TFCP2: variants seen among roughly 807,000 people sequenced by gnomAD.
TFCP2 encodes alpha-globin transcription factor CP2.
Under a neutral mutation model 73.4 loss-of-function variants are expected in TFCP2, and 33 were observed. The ratio of observed to expected loss-of-function variants is 0.45; its 90% CI spans 0.34 to 0.60. TFCP2 has a LOEUF of 0.60. Ranked by LOEUF, TFCP2 falls within the 20% of genes least tolerant of loss-of-function variation. The pLI, the probability that TFCP2 is intolerant of heterozygous loss-of-function variation, is 0.01. For synonymous variants in TFCP2, 193 were observed against 211.6 expected (o/e 0.91, Z 0.76); for missense variants, 352 against 604.0 (o/e 0.58, Z 4.37).
chr12:51,149,233 G>A (rs1941368845), intron 1 of TFCP2, among the ~76,000 whole-genome samples: 1 of 152,002 alleles, frequency 6.6e-6, no homozygotes, highest in Non-Finnish European at 1.5e-5. Flanking sequence ...AGGTACAAAT[G>A]TTTAAGTATA....
chr12:51,104,421 TTTC>T (rs1340182208), intron 8 of TFCP2, among the ~76,000 whole-genome samples: 2 of 152,200 alleles, frequency 1.3e-5, no homozygotes, highest in Non-Finnish European at 2.9e-5. Context: ...TTAGCAATAT[TTTC>T]TTATTATTGA....
At chr12:51,120,338 TCA>T (rs1342817233) in intron 1 of TFCP2, among the ~76,000 whole-genome samples, 13 of 152,122 alleles carry the variant, frequency 8.5e-5, no homozygotes, top group African/African-American at 3.1e-4. Flanking sequence ...CGGATGAATC[TCA>T]CAGATATAAT....
chr12:51,169,123 C>T (rs1204935251), intron 1 of TFCP2, among the ~76,000 whole-genome samples: 1 of 152,054 alleles, frequency 6.6e-6, no homozygotes, highest in Non-Finnish European at 1.5e-5. Flanking sequence ...TTTTAATAAG[C>T]TGTCCAGGTG....
At chr12:51,162,107 T>C (rs571728137) in intron 1 of TFCP2, among the ~76,000 whole-genome samples, 71 of 151,436 alleles carry the variant, frequency 4.7e-4, no homozygotes, top group African/African-American at 1.7e-3. Context: ...AAGATAGAAT[T>C]GAAATTACTT....
Position 51,093,842 on chromosome 12 carries a change from AC to A in TFCP2, c.*1398del, listed in dbSNP as rs1939887767. 4 of 103,204 alleles carry A rather than the reference AC, an allele frequency of 3.9e-5. No individual in the cohort carries two copies. The highest frequency in any genetic ancestry group is 5.9e-5 in the Non-Finnish European group (3 of 51,060). The allele number at this position is 103,204 out of a possible 1,614,324, so 6.4% of individuals were successfully genotyped here. On this transcript the variant is annotated 3_prime_UTR_variant, in exon 15 of 15. Coordinates refer to ENST00000257915, the MANE Select transcript of TFCP2 (RefSeq NM_005653.5). ...CTTATCAAATGCTTTAAACACACACACACACACACACACACACAAATCCAAA... is the reference window on the plus strand; with the variant it reads ...CTTATCAAATGCTTTAAACACACACAACACACACACACACACAAATCCAAA...
At chr12:51,114,801 C>A (rs7955490) in intron 4 of TFCP2, among the ~76,000 whole-genome samples, 1 of 151,772 alleles carries the variant, frequency 6.6e-6, no homozygotes, top group Admixed American at 6.6e-5. Flanking sequence ...TGGTGGCTCA[C>A]GCTTGTAATC....
In TFCP2 at chr12:51,103,709, G is replaced by A. The variant is rs766513355; in HGVS notation, c.1021C>T (p.Arg341Cys). 4.3e-6 allele frequency: 7 copies of A among 1,614,088 alleles called. No homozygotes were observed. The highest frequency in any genetic ancestry group is 2.2e-5 in the South Asian group (2 of 91,052). The change falls in exon 10 of 15, where the codon CGT (arginine) becomes TGT (cysteine). Residue 341 changes from arginine to cysteine, a missense_variant. Arg to Cys is a radical substitution (Grantham distance 180, BLOSUM62 -3). Around this residue, in one of 6 missense-constraint regions of TFCP2, gnomAD observed 194 missense variants for 256.3 expected, o/e 0.76. Transcript: ENST00000257915. ...QEAQQWLHRN[R>C]FSTFTRLFTN... ...AAAAGCCTTGTGAATGTAGAAAAAC[G>A]ATTTCGATGCAACCACTGCTGAGCT...
intron 11 of TFCP2, among the ~76,000 whole-genome samples, chr12:51,101,313 T>C (rs1358649689): frequency 2.0e-5 from 3 of 151,950 alleles, no homozygotes; most frequent in South Asian, 2.1e-4. Flanking sequence ...TTCAAAAAAA[T>C]TAAAAAAAAG....
chr12:51,164,110 G>A (rs1008241023), intron 1 of TFCP2, among the ~76,000 whole-genome samples: 1 of 152,126 alleles, frequency 6.6e-6, no homozygotes, highest in Admixed American at 6.6e-5. Context: ...GGCTGAGGTA[G>A]GAGGATCACT....
At chr12:51,153,744 C>T (rs1225206324) in intron 1 of TFCP2, among the ~76,000 whole-genome samples, 2 of 152,172 alleles carry the variant, frequency 1.3e-5, no homozygotes, top group Admixed American at 6.6e-5. Flanking sequence ...CCTTTTCAAG[C>T]CTGAATAATA....
At chr12:51,098,699 C>T in intron 13 of TFCP2, 77 bp downstream of exon 13, 2 of 1,512,010 alleles carry the variant, frequency 1.3e-6, no homozygotes, top group Non-Finnish European at 1.8e-6. Context: ...AACACTCTGC[C>T]CCAGGAGAAC....
chr12:51,152,600 C>T (rs1941452720), intron 1 of TFCP2, among the ~76,000 whole-genome samples: 1 of 152,100 alleles, frequency 6.6e-6, no homozygotes, highest in South Asian at 2.1e-4. Context: ...GCCACATCTG[C>T]CTTTTACCTT....
At chr12:51,126,211 T>C (rs377034015) in intron 1 of TFCP2, among the ~76,000 whole-genome samples, 21 of 123,354 alleles carry the variant, frequency 1.7e-4, no homozygotes, top group South Asian at 2.4e-4. Flanking sequence ...CCAGCCTGGG[T>C]GACAGAGTGA....
chr12:51,103,374 A>C (rs1458540645), intron 10 of TFCP2, among the ~76,000 whole-genome samples: 1 of 152,260 alleles, frequency 6.6e-6, no homozygotes, highest in African/African-American at 2.4e-5. Context: ...GACTACCTGC[A>C]AATGCCCCCT....
chr12:51,137,126 T>A, intron 1 of TFCP2, among the ~76,000 whole-genome samples: 1 of 152,184 alleles, frequency 6.6e-6, no homozygotes, highest in Non-Finnish European at 1.5e-5. Context: ...TACAAATCTA[T>A]TTCTTCAGCA....
chr12:51,156,254 A>G (rs1340377548), intron 1 of TFCP2, among the ~76,000 whole-genome samples: 1 of 151,976 alleles, frequency 6.6e-6, no homozygotes, highest in Non-Finnish European at 1.5e-5. Flanking sequence ...TGGTGCCAGT[A>G]TCTGCTTCTG....
chr12:51,096,957 T>C, intron 13 of TFCP2, among the ~76,000 whole-genome samples: 1 of 151,710 alleles, frequency 6.6e-6, no homozygotes, highest in Admixed American at 6.6e-5. Flanking sequence ...TAATAATTTT[T>C]TCTTAATTTT....
At chr12:51,155,202 G>A (rs1231449670) in intron 1 of TFCP2, among the ~76,000 whole-genome samples, 2 of 152,176 alleles carry the variant, frequency 1.3e-5, no homozygotes, top group African/African-American at 4.8e-5. Flanking sequence ...CAGGCCTTCA[G>A]CCTCGGTCTG....
chr12:51,129,837 G>GA (rs33944203), intron 1 of TFCP2, among the ~76,000 whole-genome samples: 2,861 of 151,252 alleles, frequency 0.019, 32 homozygotes, highest in African/African-American at 0.029. Flanking sequence ...AAAACTGGGG[G>GA]AAAAAAAAAA....
Sources: allele counts gnomAD v4.1 joint callset (sites outside exome capture counted in the v4.1 genomes callset), GRCh38; gene constraint gnomAD v4.1.1; regional missense constraint gnomAD v4.1.1; transcripts MANE v1.5; gene names NCBI Gene and HGNC (gene_info 2026-07-23, HGNC 2026-07-21).